The following DLGAP1 variants were observed in gnomAD, a reference collection of about 807,000 sequenced individuals.
DLGAP1 encodes disks large-associated protein 1.
Under a neutral mutation model 90.8 loss-of-function variants are expected in DLGAP1, and 11 were observed. The observed-to-expected ratio is 0.12, with a 90% CI of 0.08 to 0.20. DLGAP1 has a LOEUF of 0.20. DLGAP1 is among the 10% of genes least tolerant of loss of function. DLGAP1 has a pLI of 1.00. For synonymous variants in DLGAP1, 558 were observed against 540.7 expected, an observed-to-expected ratio of 1.03 and a Z score of -0.44; for missense variants, 1,050 against 1,333.8, an observed-to-expected ratio of 0.79 and a Z score of 3.31.
rs116983258 is a variant in DLGAP1, at chr18:3,824,059, T to G, written c.958-9786A>C. On this transcript the variant is annotated intron_variant, in intron 4 of 12. Coordinates refer to ENST00000315677, the MANE Select transcript of DLGAP1 (RefSeq NM_004746.4). The stretch of plus-strand genomic sequence containing the variant: ...GCTAACTTAGAGCCCCTTTTTAGTT[T>G]TTAAGATAACTTCATTTTCTGGTGT... 4.6e-3 allele frequency among the ~76,000 whole-genome samples: 697 copies of G among 152,186 alleles called. 2 individuals are homozygous for G. The highest frequency in any genetic ancestry group is 7.4e-3 in the Non-Finnish European group (504 of 67,982).
intron 1 of DLGAP1, among the ~76,000 whole-genome samples, chr18:4,444,870 G>A (rs916827445): frequency 1.3e-5 from 2 of 152,114 alleles, no homozygotes; most frequent in Non-Finnish European, 2.9e-5. Flanking sequence ...TATGTAAGAC[G>A]AATTATCCTT....
chr18:4,114,712 C>G (rs930089285), intron 2 of DLGAP1, among the ~76,000 whole-genome samples: 1 of 151,952 alleles, frequency 6.6e-6, no homozygotes, highest in Admixed American at 6.6e-5. Flanking sequence ...TTCCCATTAT[C>G]TCTAGCAATA....
At chr18:4,029,447 T>C (rs2149127029) in intron 2 of DLGAP1, among the ~76,000 whole-genome samples, 1 of 152,278 alleles carries the variant, frequency 6.6e-6, no homozygotes, top group South Asian at 2.1e-4. Flanking sequence ...GCTCTACTAA[T>C]TTACCTTCCC....
intron 3 of DLGAP1, among the ~76,000 whole-genome samples, chr18:3,977,279 C>G (rs1336098599): frequency 2.0e-5 from 3 of 152,064 alleles, no homozygotes; most frequent in Non-Finnish European, 4.4e-5. Context: ...CCCATGTTGC[C>G]CAGGCTGGTA....
chr18:4,292,464 A>G (rs1352078617), intron 1 of DLGAP1, among the ~76,000 whole-genome samples: 1 of 152,128 alleles, frequency 6.6e-6, no homozygotes, highest in Non-Finnish European at 1.5e-5. Flanking sequence ...GTAGTAAAAT[A>G]TGAGCATTTC....
chr18:3,950,486 C>A (rs973861574), intron 3 of DLGAP1, among the ~76,000 whole-genome samples: 2 of 152,186 alleles, frequency 1.3e-5, no homozygotes, highest in African/African-American at 2.4e-5. Flanking sequence ...ATCTTTCTTT[C>A]CCATGACAGA....
In DLGAP1 at chr18:4,396,672, T is replaced by G. The variant is rs959931306; in HGVS notation, c.-267+58334A>C. Among the ~76,000 whole-genome samples the G allele has an allele frequency of 1.3e-5, 2 of 152,126 alleles. 1 individual carries two copies. The highest frequency in any genetic ancestry group is 4.1e-4 in the South Asian group (2 of 4,820). The stretch of plus-strand genomic sequence containing the variant: ...AAAGGTAGAAACTCATGCTAGGGCT[T>G]GGGTGACCAAAAGAAGTACAAAAGG... On this transcript the variant is annotated intron_variant, in intron 1 of 12. Coordinates refer to ENST00000315677, the MANE Select transcript of DLGAP1 (RefSeq NM_004746.4).
rs138082601 is a variant in DLGAP1 at position 4,307,137 on chromosome 18, G to A, written c.-267+147869C>T. Among the ~76,000 whole-genome samples, 1,315 of 152,292 alleles carry A rather than the reference G, an allele frequency of 8.6e-3. 19 individuals carry two copies. Among genetic ancestry groups the A allele is most frequent in the African/African-American group, 0.031 (1,276 of 41,550 alleles). On this transcript the variant is annotated intron_variant, in intron 1 of 12. Transcript: ENST00000315677. ...GAGCACCAAAATCCCTTTAGAATGT[G>A]TTAATGTGCTATAGGAGAGGGCACT...
chr18:3,973,560 G>T (rs1373816056), intron 3 of DLGAP1, among the ~76,000 whole-genome samples: 2 of 152,204 alleles, frequency 1.3e-5, no homozygotes, highest in African/African-American at 4.8e-5. Context: ...TCCTGTGTGA[G>T]CATCCCCTAG....
At chr18:4,222,352 G>A (rs2078094496) in intron 1 of DLGAP1, among the ~76,000 whole-genome samples, 1 of 152,084 alleles carries the variant, frequency 6.6e-6, no homozygotes, top group Admixed American at 6.6e-5. Flanking sequence ...TAAACTCCAT[G>A]AGGCAGAGCC....
chr18:4,088,279 T>C (rs1316427885), intron 2 of DLGAP1, among the ~76,000 whole-genome samples: 3 of 152,224 alleles, frequency 2.0e-5, no homozygotes, highest in African/African-American at 7.2e-5. Flanking sequence ...CTCTGATCTT[T>C]TGTGCTGCTG....
At chr18:3,516,708 T>C (rs927885670) in intron 10 of DLGAP1, among the ~76,000 whole-genome samples, 2 of 152,106 alleles carry the variant, frequency 1.3e-5, no homozygotes, top group South Asian at 2.1e-4. Flanking sequence ...CAAGAGAGAA[T>C]GATGATAGAC....
At chr18:3,760,291 C>A (rs981213750) in intron 5 of DLGAP1, among the ~76,000 whole-genome samples, 3 of 152,016 alleles carry the variant, frequency 2.0e-5, no homozygotes, top group Admixed American at 1.3e-4. Context: ...ACAGGAGGGG[C>A]GACACAGGGC....
At chr18:3,538,686 G>C (rs2052520626) in intron 9 of DLGAP1, among the ~76,000 whole-genome samples, 1 of 152,190 alleles carries the variant, frequency 6.6e-6, no homozygotes, top group South Asian at 2.1e-4. Context: ...GAAAACATTA[G>C]CCTCCACGCT....
At chr18:3,762,723 A>G (rs1350604523) in intron 5 of DLGAP1, among the ~76,000 whole-genome samples, 1 of 152,152 alleles carries the variant, frequency 6.6e-6, no homozygotes, top group African/African-American at 2.4e-5. Flanking sequence ...ATCGCCTTCA[A>G]TGGTTCTGAA....
intron 7 of DLGAP1, among the ~76,000 whole-genome samples, chr18:3,719,867 A>G (rs2061910476): frequency 6.6e-6 from 1 of 152,248 alleles, no homozygotes; most frequent in African/African-American, 2.4e-5. Context: ...AACATAGTGG[A>G]TGAGATGGAC....
At position 4,378,969 on chromosome 18, in the gene DLGAP1, C is replaced by T. The variant is rs1192729411; in HGVS notation, c.-267+76037G>A. 6.6e-6 allele frequency among the ~76,000 whole-genome samples: 1 copy of T among 152,160 alleles called. No homozygotes were observed. Among genetic ancestry groups the T allele is most frequent in the Non-Finnish European group, 1.5e-5 (1 of 68,014 alleles). On this transcript the variant is annotated intron_variant, in intron 1 of 12. Transcript: ENST00000315677. The surrounding 1 kb of genome is among the most constrained non-coding windows in gnomAD (Gnocchi z 4.5). ...GTGAGTCCCTGCTTATCCATGTTCA[C>T]AGCATGTGATCTCCTGTGCCGCGTG...
chr18:4,230,068 A>G (rs758523330), intron 1 of DLGAP1, among the ~76,000 whole-genome samples: 3 of 152,132 alleles, frequency 2.0e-5, no homozygotes, highest in Non-Finnish European at 4.4e-5. Flanking sequence ...ATGAAATGCA[A>G]ATTAAAACTA....
intron 1 of DLGAP1, among the ~76,000 whole-genome samples, chr18:4,238,205 T>G (rs187081848): frequency 6.6e-6 from 1 of 152,330 alleles, no homozygotes; most frequent in Non-Finnish European, 1.5e-5. Context: ...AATGCTATTT[T>G]CTTCAAAATA....
Sources: gnomAD v4.1 joint callset for allele counts (sites outside exome capture counted in the v4.1 genomes callset) on GRCh38, gnomAD v4.1.1 for gene constraint, Gnocchi (gnomAD v3.1) non-coding constraint, MANE v1.5 for transcripts, NCBI Gene and HGNC (gene_info 2026-07-23, HGNC 2026-07-21) for gene names.